Variants in LGI2 observed in about 807,000 individuals in gnomAD.
LGI2 encodes the protein leucine-rich repeat LGI family member 2.
LGI2 carries 30 observed loss-of-function variants against 52.0 expected under a neutral mutation model. The ratio of observed to expected loss-of-function variants is 0.58; its 90% CI spans 0.43 to 0.78. The LOEUF (loss-of-function observed/expected upper bound fraction) is 0.78, where lower values mean the gene tolerates loss of function less well. Ranked by LOEUF, LGI2 falls within the 30% of genes least tolerant of loss-of-function variation. The probability of loss-of-function intolerance (pLI) is 0.00; values close to 1 mark genes in which losing one functional copy is unlikely to be tolerated. For missense variants in LGI2, 573 were observed against 692.5 expected (o/e 0.83, Z 1.94); for synonymous variants, 270 against 271.8 (o/e 0.99, Z 0.06).
At chr4:25,022,276 T>C (rs1284346478) in intron 4 of LGI2, among the ~76,000 whole-genome samples, 13 of 152,056 alleles carry the variant, frequency 8.5e-5, no homozygotes, top group Non-Finnish European at 1.6e-4. Context: ...GAACTCAATC[T>C]GGACTTTGAA....
intron 6 of LGI2, among the ~76,000 whole-genome samples, chr4:25,015,566 C>T (rs1486942506): frequency 1.3e-5 from 2 of 152,164 alleles, no homozygotes; most frequent in Non-Finnish European, 2.9e-5. Flanking sequence ...ACCCCTTTTC[C>T]GATAATCTGA....
rs894713291 is a variant in LGI2, at chr4:25,011,862, T to C, written c.820+473A>G. ...CCATTTATTCTTATTTCGTATGTAC[T>C]TACTAAAAGAAAGCAGTGATCACTA... On this transcript the variant is annotated intron_variant, in intron 7 of 7. Transcript: ENST00000382114. Among the ~76,000 whole-genome samples the C allele has an allele frequency of 2.0e-5, 3 of 152,178 alleles. No individual in the cohort carries two copies. In the East Asian group the frequency reaches 5.8e-4, roughly 29 times the overall value.
rs6856184 is a variant in LGI2, at chr4:25,025,159, C to T, written c.342-268G>A. On this transcript the variant is annotated intron_variant, in intron 3 of 7. Coordinates refer to ENST00000382114, the MANE Select transcript of LGI2 (RefSeq NM_018176.4). ...AGCTGGCAACATGGGTAAAAACATC[C>T]TGGGGAGAAATAAAGAAGAAAGCAC... Among the ~76,000 whole-genome samples, 40,835 of 152,028 alleles carry T rather than the reference C, an allele frequency of 0.27. 5,781 individuals are homozygous for T. The highest frequency in any genetic ancestry group is 0.39 in the Middle Eastern group (116 of 294).
In LGI2 at chr4:25,018,157, C is replaced by G; in HGVS notation, c.487G>C (p.Asp163His). Residue 163 changes from aspartate to histidine, a missense_variant and splice_region_variant, in exon 6 of 8, where the codon GAT becomes CAT. Asp to His is a moderately conservative substitution (Grantham distance 81). Coordinates refer to ENST00000382114, the MANE Select transcript of LGI2 (RefSeq NM_018176.4). ...CATTCAAATTTATTACCCCTCAAAT[C>G]TCTAAAAATCAAAATAAAACACAAA... ...FSDLDSLIELDLRGNKFECDC... is the reference protein window; with the variant it reads ...FSDLDSLIELHLRGNKFECDC... The G allele has an allele frequency of 6.3e-7, 1 of 1,585,708 alleles. No homozygotes were observed. The highest frequency in any genetic ancestry group is 1.2e-5 in the South Asian group (1 of 85,784).
chr4:24,995,002 ACT>A (rs779147203), downstream of LGI2, among the ~76,000 whole-genome samples: 28 of 152,070 alleles, frequency 1.8e-4, no homozygotes, highest in Non-Finnish European at 2.9e-4. Flanking sequence ...CCCAGTCAAG[ACT>A]CTGCTGAAAT....
rs1247353643 is a variant in LGI2, at chr4:25,030,797, G to T, written c.-104C>A. 9 of 585,146 alleles carry T rather than the reference G, an allele frequency of 1.5e-5. No individual in the cohort carries two copies. Among genetic ancestry groups the T allele is most frequent in the Admixed American group, 6.1e-5 (1 of 16,434 alleles). The allele number at this position is 585,146 out of a possible 1,614,324, so 36.2% of individuals were successfully genotyped here. A position where few individuals can be genotyped will look rare whatever the true frequency, so the allele number is the denominator to read the frequency against. On this transcript the variant is annotated 5_prime_UTR_variant, in exon 1 of 8. Transcript: ENST00000382114. The stretch of plus-strand genomic sequence containing the variant: ...GGGCGCCGCTCGCTGCTCTGCCGCC[G>T]CCGCTGCTGGCGAGGACTAGGGAGC...
chr4:25,026,918 G>T lies in LGI2; in HGVS notation c.291C>A (p.Phe97Leu). The T allele has an allele frequency of 1.2e-6, 2 of 1,613,322 alleles. No individual in the cohort carries two copies. Among genetic ancestry groups the T allele is most frequent in the Non-Finnish European group, 1.7e-6 (2 of 1,179,262 alleles). Residue 97 changes from phenylalanine to leucine, a missense_variant, in exon 3 of 8, where the codon TTC becomes TTA. By Grantham distance (22) the Phe-to-Leu change is conservative. Coordinates refer to ENST00000382114, the MANE Select transcript of LGI2 (RefSeq NM_018176.4). ...LQLLLLNSNS[F>L]TIIRDDAFAG... ...CAAAAGCATCATCCCGGATGATCGT[G>T]AATGAGTTAGAATTCAGCAATCTGA...
chr4:25,012,183 G>A (rs950264349), intron 7 of LGI2, 152 bp downstream of exon 7: 5 of 776,060 alleles, frequency 6.4e-6, no homozygotes, highest in East Asian at 5.1e-5. Flanking sequence ...ACAAAAACTG[G>A]AGAGACCCAG....
In LGI2 at chr4:25,003,250, A is replaced by T; in HGVS notation, c.*201T>A. On this transcript the variant is annotated 3_prime_UTR_variant, in exon 8 of 8. Coordinates refer to ENST00000382114, the MANE Select transcript of LGI2 (RefSeq NM_018176.4). ...GCTTTAAGATTTTTTTTTAAATGGTAGAATGGGCATGTCATGCAGTTAGCC... is the reference window on the plus strand; with the variant it reads ...GCTTTAAGATTTTTTTTTAAATGGTTGAATGGGCATGTCATGCAGTTAGCC... 2.1e-6 allele frequency: 1 copy of T among 481,100 alleles called. No individual in the cohort carries two copies. The highest frequency in any genetic ancestry group is 3.6e-6 in the Non-Finnish European group (1 of 276,480). 29.8% of individuals were successfully genotyped at this position (481,100 alleles called of 1,614,324 possible).
downstream of LGI2, among the ~76,000 whole-genome samples, chr4:24,997,186 T>A (rs1725106087): frequency 6.6e-6 from 1 of 152,174 alleles, no homozygotes; most frequent in Non-Finnish European, 1.5e-5. Context: ...GGGAAGCAGG[T>A]ACAGAAACCA....
chr4:25,011,939 GTT>G (rs1326486088), intron 7 of LGI2, among the ~76,000 whole-genome samples: 1 of 152,190 alleles, frequency 6.6e-6, no homozygotes, highest in Non-Finnish European at 1.5e-5. Flanking sequence ...GTGTGTGTGT[GTT>G]TGTTAGCATA....
chr4:25,000,107 T>C lies in LGI2; in HGVS notation c.*3344A>G, dbSNP rs372482179. ...ATGCAATTGCATGTTTGTTAATTGT[T>C]AAATGGACCAGTTGATTGAATGGTG... On this transcript the variant is annotated 3_prime_UTR_variant, in exon 8 of 8. Transcript: ENST00000382114. 7.2e-6 allele frequency: 2 copies of C among 276,254 alleles called. No homozygotes were observed. The highest frequency in any genetic ancestry group is 6.8e-5 in the South Asian group (2 of 29,378). 17.1% of individuals were successfully genotyped at this position (276,254 alleles called of 1,614,324 possible). A position where few individuals can be genotyped will look rare whatever the true frequency, so the allele number is the denominator to read the frequency against.
In LGI2 at chr4:25,018,085, A is replaced by T. The variant is rs768276109; in HGVS notation, c.559T>A (p.Ser187Thr). ...ATACACAGCACATCAGAAACGGTGG[A>T]ATTTGTCATCTTCAACCACAGGTAT... is the stretch of plus-strand genomic sequence containing the variant. ...WLYLWLKMTN[S>T]TVSDVLCIGP... The change falls in exon 6 of 8, where the codon TCC (serine) becomes ACC (threonine). Residue 187 changes from serine to threonine, a missense_variant. Transcript: ENST00000382114. 6.2e-7 allele frequency: 1 copy of T among 1,613,796 alleles called. No individual in the cohort carries two copies. Among genetic ancestry groups the T allele is most frequent in the South Asian group, 1.1e-5 (1 of 90,996 alleles).
At chr4:25,018,873 A>T (rs1310193103) in intron 5 of LGI2, among the ~76,000 whole-genome samples, 2 of 151,566 alleles carry the variant, frequency 1.3e-5, no homozygotes, top group Non-Finnish European at 2.9e-5. Context: ...AAAAAAAAAA[A>T]ATACATCCAG....
intron 5 of LGI2, among the ~76,000 whole-genome samples, chr4:25,018,360 G>T (rs1332562144): frequency 6.6e-6 from 1 of 152,062 alleles, no homozygotes; most frequent in Admixed American, 6.5e-5. Flanking sequence ...CTCAGCACCT[G>T]GGAATTTAAC....
downstream of LGI2, among the ~76,000 whole-genome samples, chr4:24,998,358 G>C (rs1045642676): frequency 6.6e-6 from 1 of 152,122 alleles, no homozygotes; most frequent in Admixed American, 6.5e-5. Context: ...TATGTGATTT[G>C]GTTTCTGAGC....
Sources: gnomAD v4.1 joint callset for allele counts (sites outside exome capture counted in the v4.1 genomes callset) on GRCh38, gnomAD v4.1.1 for gene constraint, MANE v1.5 for transcripts, NCBI Gene and HGNC (gene_info 2026-07-23, HGNC 2026-07-21) for gene names.